The following IGF1R variants were observed in gnomAD, a reference collection of about 807,000 sequenced individuals.
IGF1R encodes the protein insulin like growth factor 1 receptor, also known as insulin-like growth factor 1 receptor.
IGF1R carries 44 observed loss-of-function variants against 144.6 expected under a neutral mutation model. The ratio of observed to expected loss-of-function variants is 0.30; its 90% CI spans 0.24 to 0.39. The LOEUF is 0.39. Among genes scored for constraint, IGF1R ranks in the 10% least tolerant of loss-of-function variants. The pLI, the probability that IGF1R is intolerant of heterozygous loss-of-function variation, is 1.00. For missense variants in IGF1R, 1,355 were observed against 1,833.7 expected (o/e 0.74, Z 4.77); for synonymous variants, 795 against 722.8 (o/e 1.10, Z -1.60).
chr15:98,803,885 CAT>C (rs1300011274), intron 2 of IGF1R, among the ~76,000 whole-genome samples: 2 of 152,184 alleles, frequency 1.3e-5, no homozygotes, highest in Non-Finnish European at 2.9e-5. Context: ...AAACCAATAA[CAT>C]AGTCACTTAT....
chr15:98,680,277 T>A (rs1408023445), intron 1 of IGF1R, among the ~76,000 whole-genome samples: 1 of 151,972 alleles, frequency 6.6e-6, no homozygotes. Flanking sequence ...ATACTTTTTT[T>A]TTTTTTTGAG....
rs1244072960 is a variant in IGF1R at position 98,718,423 on chromosome 15, A to T, written c.640+10316A>T. On this transcript the variant is annotated intron_variant, in intron 2 of 20. Transcript: ENST00000650285. The stretch of plus-strand genomic sequence containing the variant: ...TGTTTTTGCAAGTCCTAATGAAGGG[A>T]CCTGGATGAAGTTAGTGAGGTTGCC... Among the ~76,000 whole-genome samples, 3 of 152,300 alleles carry T rather than the reference A, an allele frequency of 2.0e-5. No homozygotes were observed. In the East Asian group the frequency reaches 5.8e-4, roughly 29 times the overall value.
intron 2 of IGF1R, among the ~76,000 whole-genome samples, chr15:98,728,274 C>A (rs555124259): frequency 6.6e-6 from 1 of 152,098 alleles, no homozygotes; most frequent in South Asian, 2.1e-4. Flanking sequence ...TCACAGATCC[C>A]GGTGCCTGTC....
intron 2 of IGF1R, among the ~76,000 whole-genome samples, chr15:98,873,330 T>A (rs942439070): frequency 6.6e-6 from 1 of 152,250 alleles, no homozygotes; most frequent in East Asian, 1.9e-4. Flanking sequence ...GATTTCTCTT[T>A]AGGTAAATAG....
At chr15:98,903,768 G>T (rs1003837650) in intron 5 of IGF1R, among the ~76,000 whole-genome samples, 1 of 152,194 alleles carries the variant, frequency 6.6e-6, no homozygotes, top group Middle Eastern at 3.2e-3. Flanking sequence ...AGTATGACAC[G>T]TGTTACAACA....
chr15:98,792,306 C>T (rs182825067), intron 2 of IGF1R, among the ~76,000 whole-genome samples: 2 of 152,276 alleles, frequency 1.3e-5, no homozygotes, highest in East Asian at 3.9e-4. Context: ...ATGACTAACA[C>T]CCAAATACAT....
At chr15:98,664,127 T>G (rs1359397276) in intron 1 of IGF1R, among the ~76,000 whole-genome samples, 1 of 152,222 alleles carries the variant, frequency 6.6e-6, no homozygotes, top group Non-Finnish European at 1.5e-5. Context: ...ACTTTCCTGC[T>G]ATTAGGAGAG....
intron 18 of IGF1R, among the ~76,000 whole-genome samples, chr15:98,941,791 C>T (rs2016375161): frequency 6.6e-6 from 1 of 152,172 alleles, no homozygotes; most frequent in Non-Finnish European, 1.5e-5. Flanking sequence ...CTTTTGTAGC[C>T]TTACCTCTTT....
chr15:98,824,724 A>C (rs2056860688), intron 2 of IGF1R, among the ~76,000 whole-genome samples: 1 of 152,054 alleles, frequency 6.6e-6, no homozygotes, highest in African/African-American at 2.4e-5. Flanking sequence ...ATCATCACTT[A>C]CTAGCTAACA....
Position 98,959,966 on chromosome 15 carries a change from A to G in IGF1R, c.*2524A>G. The G allele has an allele frequency of 7.2e-6, 1 of 138,762 alleles. No homozygotes were observed. The highest frequency in any genetic ancestry group is 1.5e-5 in the Non-Finnish European group (1 of 67,156). The allele number at this position is 138,762 out of a possible 1,614,324, so 8.6% of individuals were successfully genotyped here. On this transcript the variant is annotated 3_prime_UTR_variant, in exon 21 of 21. Coordinates refer to ENST00000650285, the MANE Select transcript of IGF1R (RefSeq NM_000875.5). ...CCCATTATGAATTTAAATTTCAAGG[A>G]AAGGGTGTGTGTGTGTGTATGTGTG...
At chr15:98,780,704 C>T (rs2055842291) in intron 2 of IGF1R, among the ~76,000 whole-genome samples, 2 of 152,038 alleles carry the variant, frequency 1.3e-5, no homozygotes, top group Admixed American at 1.3e-4. Flanking sequence ...TAAATCATGC[C>T]TCACTATTCA....
At chr15:98,807,137 A>C (rs890027667) in intron 2 of IGF1R, among the ~76,000 whole-genome samples, 1 of 152,210 alleles carries the variant, frequency 6.6e-6, no homozygotes, top group African/African-American at 2.4e-5. Context: ...TGCTCAGTGA[A>C]ATGCTTTCTT....
chr15:98,772,476 A>ATT (rs1555443479), intron 2 of IGF1R, among the ~76,000 whole-genome samples: 1 of 62,526 alleles, frequency 1.6e-5, no homozygotes, highest in Admixed American at 2.1e-4. Context: ...GTCACTTAAA[A>ATT]ATTATTATTA....
At chr15:98,808,550 C>G (rs1300151805) in intron 2 of IGF1R, among the ~76,000 whole-genome samples, 2 of 152,138 alleles carry the variant, frequency 1.3e-5, no homozygotes, top group Non-Finnish European at 2.9e-5. Flanking sequence ...ACACTGTAGA[C>G]TGTTAGGATT....
chr15:98,669,338 C>T (rs1403139692), intron 1 of IGF1R, among the ~76,000 whole-genome samples: 1 of 152,212 alleles, frequency 6.6e-6, no homozygotes, highest in African/African-American at 2.4e-5. Flanking sequence ...GAGGTTTTCT[C>T]TTCCCTTTTC....
intron 1 of IGF1R, among the ~76,000 whole-genome samples, chr15:98,671,820 C>G (rs544189674): frequency 1.1e-3 from 171 of 152,288 alleles, no homozygotes; most frequent in South Asian, 2.1e-3. Context: ...AGAAGTTCTA[C>G]TTCCTGTTGT....
At chr15:98,696,333 CAGAA>C (rs1378362821) in intron 1 of IGF1R, among the ~76,000 whole-genome samples, 1 of 152,166 alleles carries the variant, frequency 6.6e-6, no homozygotes, top group African/African-American at 2.4e-5. Context: ...CTACAGTACT[CAGAA>C]AGAGACCTGT....
At chr15:98,894,015 A>AT (rs1188524624) in intron 3 of IGF1R, among the ~76,000 whole-genome samples, 1 of 152,146 alleles carries the variant, frequency 6.6e-6, no homozygotes, top group Non-Finnish European at 1.5e-5. Context: ...TTAGAAAAAC[A>AT]TTTTTTAAGT....
rs768526424 is a variant in IGF1R at position 98,922,283 on chromosome 15, G to A, written c.2337G>A (p.Glu779=). 4 of 1,614,170 alleles carry A rather than the reference G, an allele frequency of 2.5e-6. No individual in the cohort carries two copies. The South Asian group carries it at 4.4e-5, about 18-fold the overall frequency. ...EELETEYPFF[E]SRVDNKERTV... Reference sequence around the variant, plus strand: ...TGGAGACAGAGTACCCTTTCTTTGAGAGCAGAGTGGATAACAAGGAGAGAA... The same window carrying A: ...TGGAGACAGAGTACCCTTTCTTTGAAAGCAGAGTGGATAACAAGGAGAGAA... Residue 779 remains glutamate (E), a synonymous_variant, in exon 11 of 21, where the codon GAG becomes GAA. Coordinates refer to ENST00000650285, the MANE Select transcript of IGF1R (RefSeq NM_000875.5).
Sources: allele counts gnomAD v4.1 joint callset (sites outside exome capture counted in the v4.1 genomes callset), GRCh38; gene constraint gnomAD v4.1.1; transcripts MANE v1.5; gene names NCBI Gene and HGNC (gene_info 2026-07-23, HGNC 2026-07-21).